Variants in KCNJ16 observed in about 807,000 individuals in gnomAD.
KCNJ16 encodes the protein inward rectifier potassium channel 16.
A neutral mutation model predicts 18.5 loss-of-function variants in KCNJ16; 15 were observed. The observed-to-expected ratio is 0.81, with a 90% CI of 0.54 to 1.25. The LOEUF (loss-of-function observed/expected upper bound fraction) is 1.25. Ranked by LOEUF, KCNJ16 falls within the 50% of genes most tolerant of loss-of-function variation. The probability of loss-of-function intolerance (pLI) is 0.00; values close to 1 mark genes in which losing one functional copy is unlikely to be tolerated. For synonymous variants in KCNJ16, 174 were observed against 186.5 expected, an observed-to-expected ratio of 0.93 and a Z score of 0.55; for missense variants, 523 against 525.7, an observed-to-expected ratio of 0.99 and a Z score of 0.05.
chr17:70,077,004 G>T (rs990331483), intron 1 of KCNJ16, among the ~76,000 whole-genome samples: 3 of 152,134 alleles, frequency 2.0e-5, no homozygotes, highest in African/African-American at 2.4e-5. Flanking sequence ...CTTCACTAAG[G>T]GGGTGATATT....
chr17:70,130,807 AAC>A, intron 2 of KCNJ16, 70 bp from the exon 3 acceptor site: 2 of 700,084 alleles, frequency 2.9e-6, no homozygotes, highest in Non-Finnish European at 4.9e-6. Context: ...GACTGTGAAA[AAC>A]ACATATTCTA....
chr17:70,076,729 T>C (rs1310229836), intron 1 of KCNJ16, among the ~76,000 whole-genome samples: 1 of 152,170 alleles, frequency 6.6e-6, no homozygotes, highest in Non-Finnish European at 1.5e-5. Context: ...TATAGATTAG[T>C]GGTGAGTACA....
intron 1 of KCNJ16, among the ~76,000 whole-genome samples, chr17:70,099,442 T>G (rs2072527277): frequency 6.6e-6 from 1 of 152,082 alleles, no homozygotes; most frequent in African/African-American, 2.4e-5. Flanking sequence ...AGACACATTT[T>G]TATCTGAGTT....
chr17:70,099,119 T>C (rs1419145218), intron 1 of KCNJ16, among the ~76,000 whole-genome samples: 1 of 152,196 alleles, frequency 6.6e-6, no homozygotes, highest in East Asian at 1.9e-4. Flanking sequence ...CTGCTTCCTA[T>C]GAATAAGTTG....
intron 2 of KCNJ16, among the ~76,000 whole-genome samples, chr17:70,102,914 C>T (rs2072707785): frequency 6.6e-6 from 1 of 151,848 alleles, no homozygotes; most frequent in African/African-American, 2.4e-5. Context: ...ATCTAACACA[C>T]ATGATCACTG....
At chr17:70,089,361 C>T (rs376384877) in intron 1 of KCNJ16, among the ~76,000 whole-genome samples, 11 of 152,250 alleles carry the variant, frequency 7.2e-5, no homozygotes, top group African/African-American at 2.6e-4. Context: ...ATTTAAGAGT[C>T]TTGCATAATT....
chr17:70,086,648 T>C (rs1205997702), intron 1 of KCNJ16, among the ~76,000 whole-genome samples: 1 of 152,196 alleles, frequency 6.6e-6, no homozygotes, highest in Non-Finnish European at 1.5e-5. Context: ...CAAGAAACGA[T>C]TAGTACATTC....
intron 2 of KCNJ16, among the ~76,000 whole-genome samples, chr17:70,115,046 C>T (rs1187552373): frequency 2.0e-5 from 3 of 152,108 alleles, no homozygotes; most frequent in South Asian, 2.1e-4. Context: ...TTGGTGCAAA[C>T]GTGCACAGTC....
chr17:70,084,500 T>C (rs2071706755), intron 1 of KCNJ16, among the ~76,000 whole-genome samples: 1 of 152,220 alleles, frequency 6.6e-6, no homozygotes, highest in Admixed American at 6.5e-5. Flanking sequence ...CAGAGTCTCA[T>C]GTTGACTATC....
chr17:70,107,249 A>T (rs1318100426), intron 2 of KCNJ16, among the ~76,000 whole-genome samples: 3 of 152,208 alleles, frequency 2.0e-5, no homozygotes, highest in African/African-American at 7.2e-5. Flanking sequence ...ATCAAATCTA[A>T]GTGATGAAAG....
At chr17:70,098,118 G>A (rs760369922) in intron 1 of KCNJ16, among the ~76,000 whole-genome samples, 1 of 152,104 alleles carries the variant, frequency 6.6e-6, no homozygotes, top group Non-Finnish European at 1.5e-5. Context: ...TTAGATCCCA[G>A]GATGCAGCCA....
chr17:70,077,675 T>A (rs764476086), intron 1 of KCNJ16, among the ~76,000 whole-genome samples: 46 of 2,938 alleles, frequency 0.016, no homozygotes, highest in Non-Finnish European at 0.031. Flanking sequence ...TTAGGCTGTG[T>A]TTTTTTTTTT....
In KCNJ16 at chr17:70,133,409, T is replaced by A; in HGVS notation, c.*65T>A. 1 of 1,429,236 alleles carries A rather than the reference T, an allele frequency of 7.0e-7. No individual in the cohort carries two copies. The highest frequency in any genetic ancestry group is 9.5e-7 in the Non-Finnish European group (1 of 1,047,250). 88.5% of individuals were successfully genotyped at this position (1,429,236 alleles called of 1,614,324 possible). A position where few individuals can be genotyped will look rare whatever the true frequency, so the allele number is the denominator to read the frequency against. On this transcript the variant is annotated 3_prime_UTR_variant, in exon 4 of 4. Coordinates refer to ENST00000392671, the MANE Select transcript of KCNJ16 (RefSeq NM_170741.4). ...TATCTTTCAGCCAATCAAGTCGTTG[T>A]AAACGTGGCTTTTTTGAAAGTGTTA...
chr17:70,111,013 T>G (rs771904246), intron 2 of KCNJ16, among the ~76,000 whole-genome samples: 1 of 152,004 alleles, frequency 6.6e-6, no homozygotes, highest in Non-Finnish European at 1.5e-5. Context: ...TCAGGAAAAA[T>G]TAAAAATCAC....
intron 1 of KCNJ16, among the ~76,000 whole-genome samples, chr17:70,100,214 A>G (rs927087122): frequency 1.3e-5 from 2 of 152,206 alleles, no homozygotes; most frequent in African/African-American, 4.8e-5. Flanking sequence ...GGATAAGAAA[A>G]ATCGGTAAAA....
intron 2 of KCNJ16, among the ~76,000 whole-genome samples, chr17:70,124,334 G>A (rs2144183949): frequency 6.6e-6 from 1 of 152,110 alleles, no homozygotes; most frequent in African/African-American, 2.4e-5. Flanking sequence ...TTTCATGTTT[G>A]TTGATACCCG....
intron 1 of KCNJ16, among the ~76,000 whole-genome samples, chr17:70,087,754 T>C (rs925779942): frequency 2.0e-5 from 3 of 151,752 alleles, no homozygotes; most frequent in Non-Finnish European, 4.4e-5. Context: ...GTAAAAGGCT[T>C]AAGTTCCAAA....
intron 2 of KCNJ16, among the ~76,000 whole-genome samples, chr17:70,129,023 C>T (rs1442881209): frequency 6.6e-6 from 1 of 152,256 alleles, no homozygotes; most frequent in Middle Eastern, 3.2e-3. Context: ...CTTCCTGCTT[C>T]TGCTATCTTG....
At chr17:70,125,575 C>T (rs1475877590) in intron 2 of KCNJ16, among the ~76,000 whole-genome samples, 2 of 152,068 alleles carry the variant, frequency 1.3e-5, no homozygotes, top group African/African-American at 2.4e-5. Context: ...GTTCTTGGAT[C>T]TTGCGCAAGA....
Sources: gnomAD v4.1 joint callset for allele counts (sites outside exome capture counted in the v4.1 genomes callset) on GRCh38, gnomAD v4.1.1 for gene constraint, MANE v1.5 for transcripts, NCBI Gene and HGNC (gene_info 2026-07-23, HGNC 2026-07-21) for gene names.